Variants in KHDRBS2 observed in about 807,000 individuals in gnomAD.
The protein encoded by KHDRBS2 is KH domain-containing, RNA-binding, signal transduction-associated protein 2.
Under a neutral mutation model 44.3 loss-of-function variants are expected in KHDRBS2, and 26 were observed. The observed-to-expected ratio is 0.59, with a 90% CI of 0.43 to 0.81. The LOEUF is 0.81. KHDRBS2 is among the 40% of genes least tolerant of loss of function. The probability of loss-of-function intolerance (pLI) is 0.00; values close to 1 mark genes in which losing one functional copy is unlikely to be tolerated. For missense variants in KHDRBS2, 476 were observed against 433.1 expected (o/e 1.10, Z -0.88); for synonymous variants, 194 against 151.1 (o/e 1.28, Z -2.08).
chr6:61,937,312 C>T (rs1028155256), intron 4 of KHDRBS2, among the ~76,000 whole-genome samples: 16 of 151,756 alleles, frequency 1.1e-4, no homozygotes, highest in African/African-American at 3.9e-4. Flanking sequence ...TCTTGCAAAT[C>T]TTATTTCTTC....
chr6:61,911,956 A>G (rs1306397832), intron 4 of KHDRBS2, among the ~76,000 whole-genome samples: 1 of 152,106 alleles, frequency 6.6e-6, no homozygotes, highest in Non-Finnish European at 1.5e-5. Context: ...AGAATAGGAT[A>G]GTCCTTAAAA....
At position 62,245,626 on chromosome 6, in the gene KHDRBS2, C is replaced by T. The variant is rs1475815996; in HGVS notation, c.91+40232G>A. 2.6e-5 allele frequency among the ~76,000 whole-genome samples: 4 copies of T among 151,898 alleles called. 1 individual carries two copies. Among genetic ancestry groups the T allele is most frequent in the Middle Eastern group, 6.3e-3 (2 of 316 alleles). On this transcript the variant is annotated intron_variant, in intron 1 of 8. Transcript: ENST00000281156. Reference sequence around the variant, plus strand: ...AAATAGGATAAATTATGTGCCAATGCCAGTCTGTTGAAGACAGTTTATAGG... The same window carrying T: ...AAATAGGATAAATTATGTGCCAATGTCAGTCTGTTGAAGACAGTTTATAGG...
At chr6:61,672,563 T>A in the KHDRBS2 span, among the ~76,000 whole-genome samples, 1 of 151,860 alleles carries the variant, frequency 6.6e-6, no homozygotes, top group Non-Finnish European at 1.5e-5. Context: ...TGGTATCTCA[T>A]TGTGGTTTTG....
chr6:62,190,348 T>C (rs1203060090), intron 1 of KHDRBS2, among the ~76,000 whole-genome samples: 1 of 152,112 alleles, frequency 6.6e-6, no homozygotes, highest in Non-Finnish European at 1.5e-5. Flanking sequence ...GAAGAGGATG[T>C]GGCCACAGTA....
intron 6 of KHDRBS2, among the ~76,000 whole-genome samples, chr6:61,733,088 G>A (rs1036357208): frequency 6.6e-6 from 1 of 152,076 alleles, no homozygotes; most frequent in African/African-American, 2.4e-5. Context: ...GAACAACTGT[G>A]CTAACTTTAT....
chr6:62,136,405 C>A (rs546663711), intron 2 of KHDRBS2, among the ~76,000 whole-genome samples: 1 of 152,116 alleles, frequency 6.6e-6, no homozygotes, highest in South Asian at 2.1e-4. Flanking sequence ...CTAATTGATT[C>A]TCAATCAGGT....
At chr6:61,931,424 A>T (rs149478270) in intron 4 of KHDRBS2, among the ~76,000 whole-genome samples, 1 of 152,030 alleles carries the variant, frequency 6.6e-6, no homozygotes, top group African/African-American at 2.4e-5. Flanking sequence ...TAAAATATTA[A>T]AGATGTTAAG....
At chr6:62,075,928 G>T (rs1299293944) in intron 2 of KHDRBS2, among the ~76,000 whole-genome samples, 1 of 148,752 alleles carries the variant, frequency 6.7e-6, no homozygotes, top group Non-Finnish European at 1.5e-5. Context: ...ATTTTTAATG[G>T]CACCAAGGAA....
At chr6:61,552,290 C>A in the KHDRBS2 span, among the ~76,000 whole-genome samples, 1 of 151,906 alleles carries the variant, frequency 6.6e-6, no homozygotes, top group Non-Finnish European at 1.5e-5. Context: ...AATGGGATTG[C>A]ATTTTTGATT....
the KHDRBS2 span, among the ~76,000 whole-genome samples, chr6:61,646,263 A>C: frequency 6.6e-6 from 1 of 152,154 alleles, no homozygotes; most frequent in African/African-American, 2.4e-5. Flanking sequence ...ATGAGCACAC[A>C]CTGCTATAAA....
At chr6:61,704,718 G>A (rs1306095778) in intron 7 of KHDRBS2, among the ~76,000 whole-genome samples, 1 of 151,428 alleles carries the variant, frequency 6.6e-6, no homozygotes. Context: ...TTTCCTTTTT[G>A]ATGCCTTATC....
chr6:62,258,650 G>C (rs2150180029), intron 1 of KHDRBS2, among the ~76,000 whole-genome samples: 1 of 151,906 alleles, frequency 6.6e-6, no homozygotes, highest in African/African-American at 2.4e-5. Flanking sequence ...ATGTGTATAA[G>C]GTACATATTA....
chr6:61,549,764 T>A, the KHDRBS2 span, among the ~76,000 whole-genome samples: 1 of 152,166 alleles, frequency 6.6e-6, no homozygotes, highest in Admixed American at 6.5e-5. Flanking sequence ...TATTTTCTGA[T>A]TCTACACAAA....
rs533587883 is a variant in KHDRBS2 at position 61,698,544 on chromosome 6, A to G, written c.894-1291T>C. Among the ~76,000 whole-genome samples the G allele has an allele frequency of 1.4e-4, 21 of 152,234 alleles. No individual in the cohort carries two copies. The South Asian group carries it at 4.3e-3, about 32-fold the overall frequency. On this transcript the variant is annotated intron_variant, in intron 7 of 8. Coordinates refer to ENST00000281156, the MANE Select transcript of KHDRBS2 (RefSeq NM_152688.4). ...AGGCCCTGATTGCTCTGTTTCTATT[A>G]TCGATGTAGCAGTCAAAGTCATTCT...
chr6:61,937,965 G>C (rs1049610815), intron 4 of KHDRBS2, among the ~76,000 whole-genome samples: 10 of 151,826 alleles, frequency 6.6e-5, no homozygotes, highest in African/African-American at 2.4e-4. Context: ...TATGTGAATT[G>C]GGTAATAGGA....
the KHDRBS2 span, among the ~76,000 whole-genome samples, chr6:61,587,500 G>T: frequency 6.6e-6 from 1 of 151,830 alleles, no homozygotes; most frequent in Non-Finnish European, 1.5e-5. Context: ...TTATTTTTGT[G>T]GTATTTCAAT....
chr6:61,984,224 T>C (rs1173558387), intron 3 of KHDRBS2, among the ~76,000 whole-genome samples: 3 of 152,196 alleles, frequency 2.0e-5, no homozygotes, highest in Non-Finnish European at 4.4e-5. Flanking sequence ...CAGTGGGCTA[T>C]ACTATGAAGT....
chr6:61,684,197 GT>G (rs1561966787), intron 8 of KHDRBS2, among the ~76,000 whole-genome samples: 1 of 151,840 alleles, frequency 6.6e-6, no homozygotes, highest in African/African-American at 2.4e-5. Context: ...ACCAATGAAC[GT>G]TTTTCCAGTG....
At chr6:62,070,030 T>A (rs1283266311) in intron 2 of KHDRBS2, among the ~76,000 whole-genome samples, 1 of 151,706 alleles carries the variant, frequency 6.6e-6, no homozygotes, top group African/African-American at 2.4e-5. Flanking sequence ...AGGTGTTAAT[T>A]TTTGTCAGAC....
Sources: allele counts gnomAD v4.1 joint callset (sites outside exome capture counted in the v4.1 genomes callset), GRCh38; gene constraint gnomAD v4.1.1; transcripts MANE v1.5; gene names NCBI Gene and HGNC (gene_info 2026-07-23, HGNC 2026-07-21).